RIMBP2: variants seen among roughly 807,000 people sequenced by gnomAD.
The protein encoded by RIMBP2 is RIMS binding protein 2, also known as RIMS-binding protein 2.
A neutral mutation model predicts 118.6 loss-of-function variants in RIMBP2; 48 were observed. That is an observed-to-expected ratio of 0.40 (90% CI 0.32 to 0.51). The LOEUF is 0.51. Among genes scored for constraint, RIMBP2 ranks in the 20% least tolerant of loss-of-function variants. The pLI is 0.41. For synonymous variants in RIMBP2, 762 were observed against 742.9 expected, an observed-to-expected ratio of 1.03 and a Z score of -0.42; for missense variants, 1,551 against 1,768.3, an observed-to-expected ratio of 0.88 and a Z score of 2.20.
chr12:130,418,210 C>CT (rs939866410), intron 17 of RIMBP2, among the ~76,000 whole-genome samples: 3 of 152,216 alleles, frequency 2.0e-5, no homozygotes, highest in Non-Finnish European at 4.4e-5. Context: ...GATTCAGAGT[C>CT]TTTTTTGAAT....
intron 6 of RIMBP2, among the ~76,000 whole-genome samples, chr12:130,461,024 C>A (rs1419353194): frequency 6.6e-6 from 1 of 152,192 alleles, no homozygotes; most frequent in Non-Finnish European, 1.5e-5. Flanking sequence ...CAAGGGGCCA[C>A]CAGATAGGGC....
chr12:130,607,075 C>T (rs2060236853), intron 2 of RIMBP2, among the ~76,000 whole-genome samples: 1 of 152,078 alleles, frequency 6.6e-6, no homozygotes, highest in Non-Finnish European at 1.5e-5. Flanking sequence ...CGTGATCTAC[C>T]CGCCTCGGCC....
chr12:130,582,454 C>A (rs1257557851), intron 2 of RIMBP2, among the ~76,000 whole-genome samples: 2 of 152,214 alleles, frequency 1.3e-5, no homozygotes, highest in African/African-American at 4.8e-5. Flanking sequence ...CCATGCTCTT[C>A]CTGCCACGCC....
In RIMBP2 at chr12:130,622,133, T is replaced by G. The variant is rs1219573398; in HGVS notation, c.-217+6189A>C. Among the ~76,000 whole-genome samples, 1 of 152,158 alleles carries G rather than the reference T, an allele frequency of 6.6e-6. No individual in the cohort carries two copies. The highest frequency in any genetic ancestry group is 2.4e-5 in the African/African-American group (1 of 41,436). On this transcript the variant is annotated intron_variant, in intron 2 of 22. Transcript: ENST00000690449. The surrounding 1 kb of genome is among the most constrained non-coding windows in gnomAD (Gnocchi z 8.5). Reference sequence around the variant, plus strand: ...AATAAAATTAGGCCGAGACAGTTAGTCTTGGGGTCCTGACCAAAAATGAGC... The same window carrying G: ...AATAAAATTAGGCCGAGACAGTTAGGCTTGGGGTCCTGACCAAAAATGAGC...
rs79541265 is a variant in RIMBP2 at position 130,628,009 on chromosome 12, C to G, written c.-217+313G>C. ...GAGATTTAGAATCAATACCCTAGCACAGCCAGCCCTGAGGTCCTGAATGAA... is the reference window on the plus strand; with the variant it reads ...GAGATTTAGAATCAATACCCTAGCAGAGCCAGCCCTGAGGTCCTGAATGAA... On this transcript the variant is annotated intron_variant, in intron 2 of 22. Transcript: ENST00000690449. 9.3e-3 allele frequency among the ~76,000 whole-genome samples: 1,420 copies of G among 152,312 alleles called. 32 individuals carry two copies. The highest frequency in any genetic ancestry group is 0.031 in the African/African-American group (1,279 of 41,562).
At chr12:130,682,833 G>T (rs2064861848) in intron 1 of RIMBP2, among the ~76,000 whole-genome samples, 1 of 152,220 alleles carries the variant, frequency 6.6e-6, no homozygotes, top group Non-Finnish European at 1.5e-5. Context: ...AAGGGAAGGA[G>T]CCTTCCACAG....
At chr12:130,563,965 T>TC (rs2057013985) in intron 2 of RIMBP2, among the ~76,000 whole-genome samples, 1 of 100,318 alleles carries the variant, frequency 1.0e-5, no homozygotes, top group African/African-American at 4.8e-5. Flanking sequence ...CTGCTACATT[T>TC]TCCCCTCGCT....
At chr12:130,638,425 C>T (rs1165261196) in intron 1 of RIMBP2, among the ~76,000 whole-genome samples, 1 of 152,134 alleles carries the variant, frequency 6.6e-6, no homozygotes, top group Non-Finnish European at 1.5e-5. Flanking sequence ...GTCCCGAAGC[C>T]CCGAGCTGCG....
intron 1 of RIMBP2, among the ~76,000 whole-genome samples, chr12:130,648,153 T>C (rs1246284078): frequency 2.1e-5 from 3 of 145,628 alleles, no homozygotes; most frequent in African/African-American, 7.4e-5. Context: ...CATCTTTCTT[T>C]TCTAAATTTT....
chr12:130,605,581 G>A (rs1397395336), intron 2 of RIMBP2, among the ~76,000 whole-genome samples: 9 of 152,154 alleles, frequency 5.9e-5, no homozygotes, highest in Admixed American at 5.9e-4. Context: ...TTTTAATGAT[G>A]CATGATAAAG....
At chr12:130,657,173 GGT>G (rs2063467203) in intron 1 of RIMBP2, among the ~76,000 whole-genome samples, 1 of 152,186 alleles carries the variant, frequency 6.6e-6, no homozygotes, top group Non-Finnish European at 1.5e-5. Context: ...TGGGATTACA[GGT>G]GTGTGTCACC....
rs549093882 is a variant in RIMBP2 at position 130,428,089 on chromosome 12, C to T, written c.2412+90G>A. 7 of 1,310,174 alleles carry T rather than the reference C, an allele frequency of 5.3e-6. No homozygotes were observed. In the Admixed American group the frequency reaches 1.8e-4, roughly 33 times the overall value. 81.2% of individuals were successfully genotyped at this position (1,310,174 alleles called of 1,614,324 possible). ...CTACTGGTTGTAGGGCAAGGCCCCTCTGGAGCCTGCCTCACCAGCCCCAGC... is the reference window on the plus strand; with the variant it reads ...CTACTGGTTGTAGGGCAAGGCCCCTTTGGAGCCTGCCTCACCAGCCCCAGC... On this transcript the variant is annotated intron_variant, in intron 15 of 22. Coordinates refer to ENST00000690449, the MANE Select transcript of RIMBP2 (RefSeq NM_001393629.1).
In RIMBP2 at chr12:130,437,122, TG is replaced by T. The variant is rs759334405; in HGVS notation, c.1825del (p.His609ThrfsTer11). Reference sequence around the variant, plus strand: ...CTTTGATTGGGGTGCAGGTCTCGGGTGGGGGGTAGGAGGCACCAGGAGCTCG... The same window carrying T: ...CTTTGATTGGGGTGCAGGTCTCGGGTGGGGGTAGGAGGCACCAGGAGCTCG... Reference protein sequence around the residue: ...PPELLVPPTPHPRPAPQSKPL... With the variant: ...PPELLVPPTPXPRPAPQSKPL... On this transcript the variant is annotated frameshift_variant, in exon 13 of 23. Coordinates refer to ENST00000690449, the MANE Select transcript of RIMBP2 (RefSeq NM_001393629.1). LOFTEE classifies it high-confidence loss of function. 2.6e-6 allele frequency: 4 copies of T among 1,543,520 alleles called. No homozygotes were observed. The highest frequency in any genetic ancestry group is 2.6e-6 in the Non-Finnish European group (3 of 1,142,964).
intron 2 of RIMBP2, among the ~76,000 whole-genome samples, chr12:130,572,987 C>T (rs1473198910): frequency 2.0e-5 from 3 of 152,028 alleles, no homozygotes; most frequent in East Asian, 3.9e-4. Flanking sequence ...ACGGCAGCTG[C>T]GAGTGACGAA....
intron 2 of RIMBP2, among the ~76,000 whole-genome samples, chr12:130,537,756 G>A (rs1325187021): frequency 6.6e-6 from 1 of 152,188 alleles, no homozygotes; most frequent in Non-Finnish European, 1.5e-5. Flanking sequence ...AGAGAACACA[G>A]CAATACATCC....
intron 7 of RIMBP2, among the ~76,000 whole-genome samples, chr12:130,453,452 G>A (rs922398553): frequency 6.6e-6 from 1 of 152,240 alleles, no homozygotes; most frequent in Non-Finnish European, 1.5e-5. Context: ...TGCGGCAGAT[G>A]AACAGGTAAA....
At chr12:130,409,648 T>C (rs1474982407) in intron 19 of RIMBP2, among the ~76,000 whole-genome samples, 1 of 152,136 alleles carries the variant, frequency 6.6e-6, no homozygotes. Flanking sequence ...CGGCCCAGAA[T>C]GTAGCTTTTG....
chr12:130,478,879 C>G, intron 5 of RIMBP2, 33 bp downstream of exon 5: 3 of 1,555,470 alleles, frequency 1.9e-6, no homozygotes, highest in Non-Finnish European at 2.6e-6. Flanking sequence ...GACTCCCTGC[C>G]TCGCACGCCG....
intron 2 of RIMBP2, among the ~76,000 whole-genome samples, chr12:130,615,912 C>T (rs2060901839): frequency 6.6e-6 from 1 of 152,180 alleles, no homozygotes; most frequent in Admixed American, 6.5e-5. Flanking sequence ...AGACAAGCTA[C>T]ATGGAGAAGT....
Sources: allele counts gnomAD v4.1 joint callset (sites outside exome capture counted in the v4.1 genomes callset), GRCh38; gene constraint gnomAD v4.1.1; non-coding constraint Gnocchi (gnomAD v3.1); transcripts MANE v1.5; gene names NCBI Gene and HGNC (gene_info 2026-07-23, HGNC 2026-07-21).